Variants in COL4A5 observed in about 807,000 individuals in gnomAD.
COL4A5 encodes collagen alpha-5(IV) chain.
COL4A5 carries 26 observed loss-of-function variants against 130.2 expected under a neutral mutation model. The observed-to-expected ratio is 0.20, with a 90% confidence interval of 0.15 to 0.28. The LOEUF (loss-of-function observed/expected upper bound fraction) is 0.28. COL4A5 is among the 10% of genes least tolerant of loss of function. The pLI is 1.00. For missense variants in COL4A5, 1,131 were observed against 1,344.3 expected, an observed-to-expected ratio of 0.84 and a Z score of 2.48; for synonymous variants, 496 against 439.6, an observed-to-expected ratio of 1.13 and a Z score of -1.60.
intron 29 of COL4A5, among the ~76,000 whole-genome samples, chrX:108,608,447 A>G (rs2066772439): frequency 9.0e-6 from 1 of 111,155 alleles, no homozygotes; most frequent in South Asian, 3.9e-4. Flanking sequence ...TGGGACTACT[A>G]TATACCCATC....
chrX:108,488,954 A>G (rs1222952225), intron 1 of COL4A5, among the ~76,000 whole-genome samples: 1 of 111,979 alleles, frequency 8.9e-6, no homozygotes, highest in African/African-American at 3.2e-5. Flanking sequence ...CAAATGAACC[A>G]ACATCCCCTA....
At chrX:108,574,441 A>G (rs1358797844) in intron 9 of COL4A5, among the ~76,000 whole-genome samples, 5 of 111,939 alleles carry the variant, frequency 4.5e-5, no homozygotes, top group Non-Finnish European at 9.4e-5. Flanking sequence ...ATAACTATAA[A>G]GTGAACAACA....
At chrX:108,557,363 A>G (rs916857406) in intron 2 of COL4A5, among the ~76,000 whole-genome samples, 1 of 111,708 alleles carries the variant, frequency 9.0e-6, no homozygotes, top group African/African-American at 3.3e-5. Context: ...GTTGATGAAT[A>G]CTAAATTATC....
chrX:108,544,027 C>G (rs2065597825), intron 2 of COL4A5, among the ~76,000 whole-genome samples: 2 of 112,017 alleles, frequency 1.8e-5, no homozygotes, highest in Non-Finnish European at 3.8e-5. Flanking sequence ...ATGGGGTTTT[C>G]TAGATATACA....
intron 3 of COL4A5, among the ~76,000 whole-genome samples, chrX:108,561,930 AGGACCC>A (rs1335045874): frequency 2.7e-5 from 3 of 111,770 alleles, no homozygotes; most frequent in Non-Finnish European, 5.6e-5. Context: ...AGAAAACAGC[AGGACCC>A]TGAATGTGTG....
chrX:108,574,492 G>A (rs2066113526), intron 9 of COL4A5, among the ~76,000 whole-genome samples: 1 of 111,481 alleles, frequency 9.0e-6, no homozygotes, highest in Non-Finnish European at 1.9e-5. Context: ...GAATCAACCT[G>A]TGTCCCCCTT....
chrX:108,557,603 T>G (rs892729930), intron 2 of COL4A5, among the ~76,000 whole-genome samples: 10 of 111,283 alleles, frequency 9.0e-5, no homozygotes, highest in African/African-American at 3.3e-4. Context: ...CAGCATAAAA[T>G]CATCTAAGCT....
chrX:108,511,667 T>C (rs911450558), intron 1 of COL4A5, among the ~76,000 whole-genome samples: 1 of 111,737 alleles, frequency 8.9e-6, no homozygotes, highest in Non-Finnish European at 1.9e-5. Flanking sequence ...ACCTTTATAG[T>C]CAATTGTTTT....
At chrX:108,621,001 GCT>G (rs769993018) in intron 31 of COL4A5, among the ~76,000 whole-genome samples, 1 of 109,239 alleles carries the variant, frequency 9.2e-6, no homozygotes, top group Admixed American at 9.7e-5. Context: ...CTTTTCTTTC[GCT>G]CTCTCTCTCC....
In COL4A5 at chrX:108,557,388, A is replaced by G. The variant is rs775961528; in HGVS notation, c.142-1676A>G. On this transcript the variant is annotated intron_variant, in intron 2 of 52. Coordinates refer to ENST00000328300, the MANE Select transcript of COL4A5 (RefSeq NM_033380.3). The stretch of plus-strand genomic sequence containing the variant: ...ACTAAATTATCATAATTTAAACACT[A>G]ATTAAAACAACAAGGGGATATATGT... Among the ~76,000 whole-genome samples the G allele has an allele frequency of 2.7e-5, 3 of 111,965 alleles. No individual in the cohort carries two copies. The East Asian group carries it at 8.4e-4, about 31-fold the overall frequency.
chrX:108,526,511 TCTTTC>T (rs2065312770), intron 1 of COL4A5, among the ~76,000 whole-genome samples: 1 of 107,866 alleles, frequency 9.3e-6, no homozygotes, highest in South Asian at 4.2e-4. Context: ...CTTTCTTTCT[TCTTTC>T]CTTCTTTCTT....
In COL4A5 at chrX:108,631,068, G is replaced by T. The variant is rs376990095; in HGVS notation, c.3246+4719G>T. On this transcript the variant is annotated intron_variant, in intron 36 of 52. Coordinates refer to ENST00000328300, the MANE Select transcript of COL4A5 (RefSeq NM_033380.3). ...TTTTGGTTACTGTAGCCTTGTAGTA[G>T]AGTTTGAAGTCAGGTAGCATGATGC... is the stretch of plus-strand genomic sequence containing the variant. 7.2e-5 allele frequency among the ~76,000 whole-genome samples: 8 copies of T among 111,491 alleles called. No homozygotes were observed. The East Asian group carries it at 1.1e-3, about 16-fold the overall frequency.
At chrX:108,612,515 G>T (rs1308815509) in intron 29 of COL4A5, among the ~76,000 whole-genome samples, 1 of 111,326 alleles carries the variant, frequency 9.0e-6, no homozygotes, top group African/African-American at 3.3e-5. Context: ...TGAACAACTA[G>T]AAATAAAAAT....
intron 36 of COL4A5, among the ~76,000 whole-genome samples, chrX:108,633,514 C>A (rs1370866314): frequency 9.1e-6 from 1 of 110,008 alleles, no homozygotes; most frequent in African/African-American, 3.3e-5. Context: ...AATTTTTTTT[C>A]CAAATTTGTT....
At chrX:108,442,446 T>C (rs1182537332) in intron 1 of COL4A5, among the ~76,000 whole-genome samples, 1 of 111,784 alleles carries the variant, frequency 8.9e-6, no homozygotes, top group Non-Finnish European at 1.9e-5. Context: ...GTTGGAAATA[T>C]AATTTTTAGT....
chrX:108,451,142 A>G (rs374716617), intron 1 of COL4A5, among the ~76,000 whole-genome samples: 5 of 109,386 alleles, frequency 4.6e-5, no homozygotes, highest in African/African-American at 1.7e-4. Flanking sequence ...ATGATTTCCA[A>G]TTTCATCCAT....
At chrX:108,609,704 G>A (rs979748079) in intron 29 of COL4A5, among the ~76,000 whole-genome samples, 1 of 111,457 alleles carries the variant, frequency 9.0e-6, no homozygotes. Flanking sequence ...AAGCTTTATA[G>A]TTTTAGTTTC....
intron 38 of COL4A5, 69 bp from the exon 39 acceptor site, chrX:108,666,427 A>C: frequency 1.3e-6 from 1 of 747,075 alleles, no homozygotes; most frequent in Non-Finnish European, 2.0e-6. Context: ...TAAAGAAGGG[A>C]GCATATGGAA....
intron 2 of COL4A5, among the ~76,000 whole-genome samples, chrX:108,544,538 G>A (rs186546689): frequency 5.4e-5 from 6 of 111,082 alleles, no homozygotes; most frequent in East Asian, 5.6e-4. Flanking sequence ...TTTTTGCATC[G>A]ATGTTCATCA....
Sources: gnomAD v4.1 joint callset for allele counts (sites outside exome capture counted in the v4.1 genomes callset) on GRCh38, gnomAD v4.1.1 for gene constraint, MANE v1.5 for transcripts, NCBI Gene and HGNC (gene_info 2026-07-23, HGNC 2026-07-21) for gene names.